SLC12A3: variants seen among roughly 807,000 people sequenced by gnomAD.
SLC12A3 encodes Na-Cl cotransporter.
Under a neutral mutation model 121.0 loss-of-function variants are expected in SLC12A3, and 104 were observed. The observed-to-expected ratio is 0.86, with a 90% confidence interval of 0.73 to 1.01. The LOEUF (loss-of-function observed/expected upper bound fraction) is 1.01. SLC12A3 is among the 50% of genes least tolerant of loss of function. The probability of loss-of-function intolerance (pLI) is 0.00; values close to 1 mark genes in which losing one functional copy is unlikely to be tolerated. For missense variants in SLC12A3, 1,328 were observed against 1,356.3 expected (o/e 0.98, Z 0.33); for synonymous variants, 536 against 533.4 (o/e 1.00, Z -0.07).
intron 8 of SLC12A3, 124 bp from the exon 9 acceptor site, chr16:56,877,953 C>T: frequency 3.1e-6 from 2 of 650,304 alleles, no homozygotes; most frequent in Non-Finnish European, 5.4e-6. Flanking sequence ...GGTTGCTGCC[C>T]CCAGCCTCAG....
In SLC12A3 at chr16:56,913,257, C is replaced by T; in HGVS notation, c.2925-7C>T. The T allele has an allele frequency of 1.9e-6, 3 of 1,614,144 alleles. No homozygotes were observed. Among genetic ancestry groups the T allele is most frequent in the Non-Finnish European group, 2.5e-6 (3 of 1,180,022 alleles). ...TCTCTCTTCTACCACTTTTTCATGCCTTGCAGCACTTTGCCCATAGGGAGG... is the reference window on the plus strand; with the variant it reads ...TCTCTCTTCTACCACTTTTTCATGCTTTGCAGCACTTTGCCCATAGGGAGG... On this transcript the variant is annotated splice_region_variant and splice_polypyrimidine_tract_variant and intron_variant, in intron 25 of 25. Coordinates refer to ENST00000563236, the MANE Select transcript of SLC12A3 (RefSeq NM_001126108.2).
rs55730196 is a variant in SLC12A3, at chr16:56,870,298, C to A, written c.741+63C>A. ...GGGCAGCCCATTGCACTCTCCTCCGCCCCATCTGGGCTGGGGCCTCCTGCT... is the reference window on the plus strand; with the variant it reads ...GGGCAGCCCATTGCACTCTCCTCCGACCCATCTGGGCTGGGGCCTCCTGCT... On this transcript the variant is annotated intron_variant, in intron 5 of 25. Coordinates refer to ENST00000563236, the MANE Select transcript of SLC12A3 (RefSeq NM_001126108.2). The A allele has an allele frequency of 8.4e-3, 13,127 of 1,557,400 alleles. 75 individuals carry two copies. Among genetic ancestry groups the A allele is most frequent in the Non-Finnish European group, 0.01 (11,611 of 1,149,918 alleles).
intron 14 of SLC12A3, 123 bp downstream of exon 14, chr16:56,884,327 GC>G: frequency 1.0e-6 from 1 of 988,436 alleles, no homozygotes; most frequent in Non-Finnish European, 1.6e-6. Flanking sequence ...GCCCCTCTCT[GC>G]CCCTCCCCTT....
rs2055312680 is a variant in SLC12A3 at position 56,886,462 on chromosome 16, G to T, written c.2024G>T (p.Gly675Val). 1.2e-6 allele frequency: 2 copies of T among 1,613,728 alleles called. No individual in the cohort carries two copies. The highest frequency in any genetic ancestry group is 8.5e-7 in the Non-Finnish European group (1 of 1,179,942). The change falls in exon 16 of 26, where the codon GGC becomes GTC. Residue 675 changes from glycine to valine, a missense_variant. Coordinates refer to ENST00000563236, the MANE Select transcript of SLC12A3 (RefSeq NM_001126108.2). ...CGGAACCTCAGCCTGATGATCTGTG[G>T]CCACGTGCTCATCGTGAGTGGCCCC... Reference protein sequence around the residue: ...FTRNLSLMICGHVLIGPHKQR... With the variant: ...FTRNLSLMICVHVLIGPHKQR...
chr16:56,868,995 A>AG (rs1964427565), intron 3 of SLC12A3, among the ~76,000 whole-genome samples: 2 of 151,658 alleles, frequency 1.3e-5, no homozygotes, highest in Admixed American at 6.6e-5. Context: ...AAAATAAAAA[A>AG]GAAAGCTGCA....
chr16:56,900,230 G>A (rs2055519682), intron 23 of SLC12A3, among the ~76,000 whole-genome samples: 1 of 152,078 alleles, frequency 6.6e-6, no homozygotes. Context: ...TAATAGTGAT[G>A]CATACATTGG....
chr16:56,872,339 C>T lies in SLC12A3; in HGVS notation c.853-12C>T, dbSNP rs376908568. ...AAACTATCTGACCTCTGGGGTCCTT[C>T]GCCCCCTCCAGGCCCAGGTGCTGTT... On this transcript the variant is annotated splice_polypyrimidine_tract_variant and intron_variant, in intron 6 of 25. Coordinates refer to ENST00000563236, the MANE Select transcript of SLC12A3 (RefSeq NM_001126108.2). 4.6e-5 allele frequency: 74 copies of T among 1,597,842 alleles called. No homozygotes were observed. The highest frequency in any genetic ancestry group is 4.3e-4 in the South Asian group (39 of 90,790).
At chr16:56,904,372 C>T (rs370896606) in intron 24 of SLC12A3, 23 bp from the exon 25 acceptor site, 3 of 1,611,820 alleles carry the variant, frequency 1.9e-6, no homozygotes, top group African/African-American at 1.3e-5. Context: ...TGGGAAGTGA[C>T]CACTCGGCTT....
rs368509876 is a variant in SLC12A3, at chr16:56,884,209, G to A, written c.1825+5G>A. ...ATGTCATCTACAAGAAGCCAGGTGC[G>A]CATCTCAGCTGCGGGGCCTCGGCCC... On this transcript the variant is annotated splice_donor_5th_base_variant and intron_variant, in intron 14 of 25. Transcript: ENST00000563236. 4.7e-4 allele frequency: 761 copies of A among 1,613,870 alleles called. 6 individuals carry two copies. Among genetic ancestry groups the A allele is most frequent in the South Asian group, 1.5e-3 (134 of 91,072 alleles).
intron 25 of SLC12A3, among the ~76,000 whole-genome samples, chr16:56,908,920 G>A (rs1003904582): frequency 6.6e-6 from 1 of 152,246 alleles, no homozygotes; most frequent in African/African-American, 2.4e-5. Context: ...GGGTGTGCCA[G>A]ACCACGGCTT....
At position 56,870,659 on chromosome 16, in the gene SLC12A3, G is replaced by A. The variant is rs780461639; in HGVS notation, c.775G>A (p.Asp259Asn). The A allele has an allele frequency of 1.6e-5, 26 of 1,613,546 alleles. No individual in the cohort carries two copies. The highest frequency in any genetic ancestry group is 1.6e-4 in the Middle Eastern group (1 of 6,084). ...YGAPIVDPIN[D>N]IRIIAVVSVT... The stretch of plus-strand genomic sequence containing the variant: ...GGCACCCATCGTGGACCCCATTAAC[G>A]ACATCCGCATCATTGCCGTGGTCTC... Residue 259 changes from aspartate (D) to asparagine (N), a missense_variant, in exon 6 of 26, where the codon GAC (aspartate) becomes AAC (asparagine). Transcript: ENST00000563236.
rs1313582286 is a variant in SLC12A3, at chr16:56,869,797, A to G, written c.574A>G (p.Ile192Val). The change falls in exon 4 of 26, where the codon ATC becomes GTC. Residue 192 changes from isoleucine to valine, a missense_variant. By Grantham distance (29) the Ile-to-Val change is conservative (BLOSUM62 3). Coordinates refer to ENST00000563236, the MANE Select transcript of SLC12A3 (RefSeq NM_001126108.2). ...TSITGLSISA[I>V]STNGKVKSGG... Reference sequence around the variant, plus strand: ...CATCACAGGCCTCTCCATCTCAGCCATCTCCACCAATGGCAAGGTCAAGTC... The same window carrying G: ...CATCACAGGCCTCTCCATCTCAGCCGTCTCCACCAATGGCAAGGTCAAGTC... The G allele has an allele frequency of 3.7e-6, 6 of 1,613,954 alleles. No homozygotes were observed. Among genetic ancestry groups the G allele is most frequent in the South Asian group, 1.1e-5 (1 of 91,080 alleles).
At chr16:56,868,401 A>T in intron 3 of SLC12A3, 29 bp downstream of exon 3, 1 of 1,591,446 alleles carries the variant, frequency 6.3e-7, no homozygotes, top group Non-Finnish European at 8.6e-7. Context: ...AAGAGGAGGG[A>T]GGGCTTGCCT....
chr16:56,881,997 C>T (rs1458339559), intron 12 of SLC12A3, among the ~76,000 whole-genome samples: 6 of 150,508 alleles, frequency 4.0e-5, no homozygotes, highest in Admixed American at 2.0e-4. Context: ...TGCAGTGAGC[C>T]GAGATCACGC....
chr16:56,868,389 G>A lies in SLC12A3; in HGVS notation c.505+17G>A, dbSNP rs1406758603. 1 of 1,605,628 alleles carries A rather than the reference G, an allele frequency of 6.2e-7. No homozygotes were observed. The highest frequency in any genetic ancestry group is 1.1e-5 in the South Asian group (1 of 89,794). On this transcript the variant is annotated intron_variant, in intron 3 of 25. Coordinates refer to ENST00000563236, the MANE Select transcript of SLC12A3 (RefSeq NM_001126108.2). Reference sequence around the variant, plus strand: ...CAGGCATCGGTGAGTGCCCCTCTGGGGAAGAGGAGGGAGGGCTTGCCTGAA... The same window carrying A: ...CAGGCATCGGTGAGTGCCCCTCTGGAGAAGAGGAGGGAGGGCTTGCCTGAA...
chr16:56,900,497 C>G (rs1216331771), intron 23 of SLC12A3, among the ~76,000 whole-genome samples: 1 of 139,500 alleles, frequency 7.2e-6, no homozygotes, highest in East Asian at 2.2e-4. Flanking sequence ...GAGCAACATA[C>G]AGACCCCATC....
At chr16:56,896,336 G>A (rs1350977598) in intron 22 of SLC12A3, among the ~76,000 whole-genome samples, 1 of 152,228 alleles carries the variant, frequency 6.6e-6, no homozygotes, top group African/African-American at 2.4e-5. Context: ...GGAGTAGGCT[G>A]GATGCATGGG....
rs1567424982 is a variant in SLC12A3 at position 56,867,166 on chromosome 16, G to GAGA, written c.384_386dup (p.Lys128dup). The GAGA allele has an allele frequency of 6.2e-7, 1 of 1,613,962 alleles. No individual in the cohort carries two copies. Among genetic ancestry groups the GAGA allele is most frequent in the South Asian group, 1.1e-5 (1 of 91,052 alleles). ...GGAGGGCGAGGCAGGCACCAGCAGCGAGAAGAACCCCGAGGAGCCAGTGCG... is the reference window on the plus strand; with the variant it reads ...GGAGGGCGAGGCAGGCACCAGCAGCGAGAAGAAGAACCCCGAGGAGCCAGTGCG... On this transcript the variant is annotated inframe_insertion, in exon 2 of 26. Transcript: ENST00000563236.
chr16:56,894,192 A>G lies in SLC12A3; in HGVS notation c.2522-339A>G, dbSNP rs111542828. ...CTAATTTTTTGTGTTATTAGTAGAGATAGGGTTTTACCATGTTGGCCAGGT... is the reference window on the plus strand; with the variant it reads ...CTAATTTTTTGTGTTATTAGTAGAGGTAGGGTTTTACCATGTTGGCCAGGT... On this transcript the variant is annotated intron_variant, in intron 21 of 25. Transcript: ENST00000563236. 0.034 allele frequency among the ~76,000 whole-genome samples: 5,178 copies of G among 151,880 alleles called. 316 individuals are homozygous for G. The highest frequency in any genetic ancestry group is 0.12 in the African/African-American group (4,859 of 41,350).
Sources: gnomAD v4.1 joint callset for allele counts (sites outside exome capture counted in the v4.1 genomes callset) on GRCh38, gnomAD v4.1.1 for gene constraint, MANE v1.5 for transcripts, NCBI Gene and HGNC (gene_info 2026-07-23, HGNC 2026-07-21) for gene names.